The following DCHS2 variants were observed in gnomAD, a reference collection of about 807,000 sequenced individuals.
DCHS2 encodes protocadherin-23.
Under a neutral mutation model 182.4 loss-of-function variants are expected in DCHS2, and 142 were observed. The observed-to-expected ratio is 0.78, with a 90% CI of 0.68 to 0.89. The LOEUF is 0.89. Among genes scored for constraint, DCHS2 ranks in the 40% least tolerant of loss-of-function variants. The pLI, the probability that DCHS2 is intolerant of heterozygous loss-of-function variation, is 0.00. For synonymous variants in DCHS2, 1,740 were observed against 1,663.3 expected (o/e 1.05, Z -1.12); for missense variants, 4,319 against 4,198.6 (o/e 1.03, Z -0.79).
chr4:154,268,233 C>CT (rs1733391205), intron 14 of DCHS2, among the ~76,000 whole-genome samples: 1 of 129,486 alleles, frequency 7.7e-6, no homozygotes, highest in Non-Finnish European at 1.7e-5. Context: ...TTCACTTTCC[C>CT]CCCCCCAAAA....
At chr4:154,342,144 A>C (rs759073137) in intron 3 of DCHS2, among the ~76,000 whole-genome samples, 97 of 152,284 alleles carry the variant, frequency 6.4e-4, no homozygotes, top group Non-Finnish European at 8.8e-4. Flanking sequence ...GTTGTAGCCT[A>C]TTCAGTGTGC....
At chr4:154,431,220 G>A (rs1289573981) in intron 1 of DCHS2, among the ~76,000 whole-genome samples, 1 of 152,092 alleles carries the variant, frequency 6.6e-6, no homozygotes, top group Admixed American at 6.6e-5. Flanking sequence ...TGCAGGCGGG[G>A]GGAGATTTAA....
chr4:154,358,893 T>C (rs1729990655), intron 3 of DCHS2, among the ~76,000 whole-genome samples: 1 of 151,694 alleles, frequency 6.6e-6, no homozygotes, highest in Non-Finnish European at 1.5e-5. Context: ...TATTAATTGT[T>C]TACTATATAT....
chr4:154,465,679 A>G (rs1184594049), intron 1 of DCHS2, among the ~76,000 whole-genome samples: 1 of 152,046 alleles, frequency 6.6e-6, no homozygotes, highest in Non-Finnish European at 1.5e-5. Flanking sequence ...AAAAAAAAAA[A>G]AAGTGACATA....
intron 1 of DCHS2, among the ~76,000 whole-genome samples, chr4:154,452,328 C>A (rs1396465302): frequency 1.3e-5 from 2 of 152,074 alleles, no homozygotes; most frequent in Non-Finnish European, 2.9e-5. Flanking sequence ...CAATTTAGCA[C>A]CCTACTAAAG....
At chr4:154,371,528 T>C (rs1045409775) in intron 2 of DCHS2, among the ~76,000 whole-genome samples, 1 of 152,150 alleles carries the variant, frequency 6.6e-6, no homozygotes, top group Admixed American at 6.6e-5. Flanking sequence ...GGTAGAAGCA[T>C]TTCGAAGGGC....
chr4:154,299,582 A>C (rs906705192), intron 12 of DCHS2, among the ~76,000 whole-genome samples: 5 of 152,188 alleles, frequency 3.3e-5, no homozygotes, highest in Non-Finnish European at 7.3e-5. Context: ...CATTCAAAGG[A>C]AACAACAGCA....
chr4:154,377,870 C>A (rs1484329109), intron 1 of DCHS2, among the ~76,000 whole-genome samples: 2 of 152,150 alleles, frequency 1.3e-5, no homozygotes, highest in Non-Finnish European at 2.9e-5. Context: ...AGGCTTGATG[C>A]CCCCCACCTT....
At chr4:154,480,032 T>C (rs1275333891) in intron 1 of DCHS2, among the ~76,000 whole-genome samples, 1 of 152,250 alleles carries the variant, frequency 6.6e-6, no homozygotes, top group South Asian at 2.1e-4. Flanking sequence ...AAATAATCTA[T>C]ACTTCAAAGG....
intron 1 of DCHS2, among the ~76,000 whole-genome samples, chr4:154,414,132 C>A (rs922659364): frequency 6.6e-6 from 1 of 151,292 alleles, no homozygotes; most frequent in Non-Finnish European, 1.5e-5. Flanking sequence ...AGATAGAGGG[C>A]AAACAGTCAA....
rs528454127 is a variant in DCHS2, at chr4:154,490,057, G to T, written c.1299C>A (p.Gly433=). The T allele has an allele frequency of 5.2e-5, 81 of 1,548,658 alleles. No homozygotes were observed. Among genetic ancestry groups the T allele is most frequent in the Admixed American group, 9.8e-5 (5 of 50,960 alleles). The part of the protein sequence containing the change: ...VARVSEGARP[G]DYVARVSVSD... ...ACACCGAGACGCGAGCCACGTAGTCGCCCGGTCGGGCGCCTTCAGAGACAC... is the reference window on the plus strand; with the variant it reads ...ACACCGAGACGCGAGCCACGTAGTCTCCCGGTCGGGCGCCTTCAGAGACAC... The change falls in exon 1 of 20, where the codon GGC becomes GGA. Residue 433 remains glycine, a synonymous_variant. Transcript: ENST00000357232.
chr4:154,345,328 A>C (rs1212039147), intron 3 of DCHS2, among the ~76,000 whole-genome samples: 1 of 152,168 alleles, frequency 6.6e-6, no homozygotes, highest in Non-Finnish European at 1.5e-5. Context: ...AGCTGTCTAT[A>C]CTAAATTATT....
chr4:154,362,609 T>C (rs1176348659), intron 3 of DCHS2, among the ~76,000 whole-genome samples: 1 of 151,992 alleles, frequency 6.6e-6, no homozygotes, highest in East Asian at 1.9e-4. Flanking sequence ...ATAACATGGG[T>C]TTGAATTGCG....
chr4:154,446,821 C>T (rs1217490107), intron 1 of DCHS2, among the ~76,000 whole-genome samples: 1 of 152,186 alleles, frequency 6.6e-6, no homozygotes, highest in Non-Finnish European at 1.5e-5. Context: ...TCGACCTATT[C>T]AAGTACAATT....
At chr4:154,487,543 C>T (rs975779798) in intron 1 of DCHS2, among the ~76,000 whole-genome samples, 2 of 152,292 alleles carry the variant, frequency 1.3e-5, no homozygotes, top group East Asian at 1.9e-4. Context: ...CAACTCAGAG[C>T]TGGCAATCAC....
chr4:154,370,716 T>C (rs6419274), intron 2 of DCHS2, among the ~76,000 whole-genome samples: 128,010 of 152,124 alleles, frequency 0.84, 53,978 homozygotes, highest in South Asian at 0.92. Flanking sequence ...GATTTGGTGG[T>C]AGGAAGGTAA....
chr4:154,236,758 C>T lies in DCHS2; in HGVS notation c.7894G>A (p.Glu2632Lys), dbSNP rs746344296. Residue 2632 changes from glutamate (E) to lysine (K), a missense_variant, in exon 20 of 20, where the codon GAG becomes AAG. Transcript: ENST00000357232. Reference sequence around the variant, plus strand: ...CTGTCAGATGCCAGAATGACAAGCTCATGGCTAGCACTTGCTTCTCTGTCC... The same window carrying T: ...CTGTCAGATGCCAGAATGACAAGCTTATGGCTAGCACTTGCTTCTCTGTCC... Reference protein sequence around the residue: ...SLDREASASHELVILASDSGC... With the variant: ...SLDREASASHKLVILASDSGC... 2.5e-6 allele frequency: 4 copies of T among 1,614,014 alleles called. No homozygotes were observed. Among genetic ancestry groups the T allele is most frequent in the Non-Finnish European group, 3.4e-6 (4 of 1,179,962 alleles).
chr4:154,386,746 G>A (rs1731439198), intron 1 of DCHS2, among the ~76,000 whole-genome samples: 1 of 152,056 alleles, frequency 6.6e-6, no homozygotes, highest in South Asian at 2.1e-4. Context: ...CTAATACTGT[G>A]TATAGGATAC....
chr4:154,268,052 C>T (rs1191192364), intron 14 of DCHS2, among the ~76,000 whole-genome samples: 1 of 152,200 alleles, frequency 6.6e-6, no homozygotes, highest in Admixed American at 6.5e-5. Flanking sequence ...AAGCATTTGC[C>T]ATGCCCTGTG....
Sources: gnomAD v4.1 joint callset for allele counts (sites outside exome capture counted in the v4.1 genomes callset) on GRCh38, gnomAD v4.1.1 for gene constraint, MANE v1.5 for transcripts, NCBI Gene and HGNC (gene_info 2026-07-23, HGNC 2026-07-21) for gene names.